PLA2G4A: variants seen among roughly 807,000 people sequenced by gnomAD.
The protein encoded by PLA2G4A is phospholipase A2 group IVA.
A neutral mutation model predicts 81.9 loss-of-function variants in PLA2G4A; 40 were observed. The ratio of observed to expected loss-of-function variants is 0.49; its 90% CI spans 0.38 to 0.64. PLA2G4A has a LOEUF of 0.64. Among genes scored for constraint, PLA2G4A ranks in the 30% least tolerant of loss-of-function variants. The pLI is 0.00. For synonymous variants in PLA2G4A, 302 were observed against 296.9 expected (o/e 1.02, Z -0.18); for missense variants, 715 against 905.1 (o/e 0.79, Z 2.69).
intron 8 of PLA2G4A, among the ~76,000 whole-genome samples, chr1:186,936,786 A>G (rs1571418620): frequency 6.6e-6 from 1 of 152,072 alleles, no homozygotes; most frequent in South Asian, 2.1e-4. Flanking sequence ...ATGCATATAG[A>G]TAAAAAGAAT....
intron 2 of PLA2G4A, among the ~76,000 whole-genome samples, chr1:186,859,759 G>C (rs1452718402): frequency 6.6e-6 from 1 of 152,084 alleles, no homozygotes; most frequent in African/African-American, 2.4e-5. Context: ...CTAGTGTTCT[G>C]GTAGGAGTTC....
intron 8 of PLA2G4A, among the ~76,000 whole-genome samples, chr1:186,933,799 A>G (rs951108357): frequency 6.6e-6 from 1 of 152,158 alleles, no homozygotes; most frequent in African/African-American, 2.4e-5. Flanking sequence ...TTAGAAGCCA[A>G]ATGATTTGTC....
intron 7 of PLA2G4A, among the ~76,000 whole-genome samples, chr1:186,915,313 T>G (rs1655099441): frequency 6.6e-6 from 1 of 152,206 alleles, no homozygotes; most frequent in African/African-American, 2.4e-5. Flanking sequence ...TCATCTGAGT[T>G]TCTTGCCGGG....
intron 7 of PLA2G4A, among the ~76,000 whole-genome samples, chr1:186,917,106 T>TC (rs1655165568): frequency 2.0e-5 from 3 of 151,712 alleles, no homozygotes; most frequent in Admixed American, 6.6e-5. Context: ...TTTACAGCTG[T>TC]GGGGGTGTTC....
chr1:186,888,118 G>A (rs1333050729), intron 3 of PLA2G4A, among the ~76,000 whole-genome samples: 3 of 152,146 alleles, frequency 2.0e-5, no homozygotes, highest in Non-Finnish European at 4.4e-5. Context: ...ATACATTTTA[G>A]AAAGCTGACT....
In PLA2G4A at chr1:186,836,424, A is replaced by G. The variant is rs138550430; in HGVS notation, c.-70+7389A>G. ...TCTTCAAGCACTTTTTATCATCACA[A>G]TGAAAAGGATGCTCTCATATAAATT... On this transcript the variant is annotated intron_variant, in intron 1 of 17. Transcript: ENST00000367466. Among the ~76,000 whole-genome samples the G allele has an allele frequency of 1.5e-4, 23 of 152,120 alleles. No individual in the cohort carries two copies. The East Asian group carries it at 4.1e-3, about 27-fold the overall frequency.
At chr1:186,889,623 A>G (rs1190931750) in intron 3 of PLA2G4A, among the ~76,000 whole-genome samples, 1 of 152,250 alleles carries the variant, frequency 6.6e-6, no homozygotes, top group Non-Finnish European at 1.5e-5. Flanking sequence ...CAATTAAGTG[A>G]AAGACATTGA....
intron 6 of PLA2G4A, among the ~76,000 whole-genome samples, chr1:186,907,465 T>G (rs1263373643): frequency 6.6e-6 from 1 of 152,216 alleles, no homozygotes; most frequent in Non-Finnish European, 1.5e-5. Flanking sequence ...CTAATAATGT[T>G]CCATGAAGCA....
At chr1:186,905,730 A>C (rs912388114) in intron 5 of PLA2G4A, among the ~76,000 whole-genome samples, 1 of 152,006 alleles carries the variant, frequency 6.6e-6, no homozygotes, top group Non-Finnish European at 1.5e-5. Flanking sequence ...ACAAACGAAC[A>C]GTAATTTGAC....
At chr1:186,843,531 A>G (rs1270887688) in intron 1 of PLA2G4A, among the ~76,000 whole-genome samples, 1 of 152,268 alleles carries the variant, frequency 6.6e-6, no homozygotes, top group Non-Finnish European at 1.5e-5. Flanking sequence ...CAGCTATGGA[A>G]GACTGACACG....
intron 1 of PLA2G4A, among the ~76,000 whole-genome samples, chr1:186,830,608 C>CAAAAAAAAAAAAAAAAAAAAAA (rs55745208): frequency 6.9e-5 from 5 of 72,690 alleles, no homozygotes; most frequent in African/African-American, 1.6e-4. Flanking sequence ...AGCTCTGTCT[C>CAAAAAAAAAAAAAAAAAAAAAA]AAAAAAAAAA....
chr1:186,834,613 C>CAA (rs2101996195), intron 1 of PLA2G4A, among the ~76,000 whole-genome samples: 1 of 151,854 alleles, frequency 6.6e-6, no homozygotes, highest in Admixed American at 6.5e-5. Context: ...TACTGATTGA[C>CAA]GTAATAGGGG....
At chr1:186,836,527 A>C (rs895215989) in intron 1 of PLA2G4A, among the ~76,000 whole-genome samples, 4 of 152,158 alleles carry the variant, frequency 2.6e-5, no homozygotes, top group Admixed American at 6.5e-5. Flanking sequence ...TAGTAGGAGT[A>C]GGAAAATGCA....
At chr1:186,963,387 T>A (rs1219027981) in intron 14 of PLA2G4A, among the ~76,000 whole-genome samples, 1 of 152,196 alleles carries the variant, frequency 6.6e-6, no homozygotes, top group East Asian at 1.9e-4. Context: ...GATGGCAAAG[T>A]GCATTCTCAC....
intron 14 of PLA2G4A, among the ~76,000 whole-genome samples, chr1:186,963,216 T>G (rs184205263): frequency 6.6e-6 from 1 of 152,230 alleles, no homozygotes; most frequent in African/African-American, 2.4e-5. Flanking sequence ...AAAATAAATT[T>G]AAGCCAAAGA....
intron 1 of PLA2G4A, among the ~76,000 whole-genome samples, chr1:186,836,117 C>G (rs984925170): frequency 6.6e-6 from 1 of 151,750 alleles, no homozygotes; most frequent in East Asian, 1.9e-4. Flanking sequence ...TTTAGGTTGA[C>G]AAATTTGATT....
chr1:186,884,358 A>G (rs1297130423), intron 3 of PLA2G4A, among the ~76,000 whole-genome samples: 1 of 151,504 alleles, frequency 6.6e-6, no homozygotes, highest in African/African-American at 2.4e-5. Flanking sequence ...ATGTTTTAGC[A>G]GCCATGTGGA....
chr1:186,872,420 T>C (rs1047268629), intron 3 of PLA2G4A, among the ~76,000 whole-genome samples: 4 of 152,140 alleles, frequency 2.6e-5, no homozygotes, highest in African/African-American at 9.7e-5. Flanking sequence ...CACTAAATTC[T>C]GTGTCAGTAG....
chr1:186,931,071 C>G (rs1557879650), intron 7 of PLA2G4A, among the ~76,000 whole-genome samples: 1 of 152,114 alleles, frequency 6.6e-6, no homozygotes, highest in Non-Finnish European at 1.5e-5. Context: ...TTGTATTCTA[C>G]TCATCCTCTG....
Sources: gnomAD v4.1 joint callset for allele counts (sites outside exome capture counted in the v4.1 genomes callset) on GRCh38, gnomAD v4.1.1 for gene constraint, MANE v1.5 for transcripts, NCBI Gene and HGNC (gene_info 2026-07-23, HGNC 2026-07-21) for gene names.